Variants in PPP2R2B observed in about 807,000 individuals in gnomAD.
PPP2R2B encodes protein phosphatase 2 regulatory subunit Bbeta.
In PPP2R2B, 5 loss-of-function variants were observed where a neutral mutation model predicts 46.0. The observed-to-expected ratio is 0.11, with a 90% CI of 0.06 to 0.23. The LOEUF (loss-of-function observed/expected upper bound fraction) is 0.23, where lower values mean the gene tolerates loss of function less well. PPP2R2B is among the 10% of genes least tolerant of loss of function. The probability of loss-of-function intolerance (pLI) is 1.00; values close to 1 mark genes in which losing one functional copy is unlikely to be tolerated. For missense variants in PPP2R2B, 367 were observed against 575.0 expected (o/e 0.64, Z 3.70); for synonymous variants, 215 against 206.7 (o/e 1.04, Z -0.34).
chr5:147,079,246 G>A (rs62377634), intron 2 of PPP2R2B, among the ~76,000 whole-genome samples: 6,742 of 151,058 alleles, frequency 0.045, 241 homozygotes, highest in East Asian at 0.16. Context: ...AATAAAATCA[G>A]TACATAGAAG....
chr5:146,843,187 C>CA (rs373988234), intron 2 of PPP2R2B, among the ~76,000 whole-genome samples: 1 of 152,092 alleles, frequency 6.6e-6, no homozygotes, highest in Admixed American at 6.5e-5. Context: ...AACTCTGCCT[C>CA]AAAAAAACTT....
At chr5:146,782,511 C>T (rs1295547754) in intron 2 of PPP2R2B, among the ~76,000 whole-genome samples, 1 of 152,014 alleles carries the variant, frequency 6.6e-6, no homozygotes, top group Admixed American at 6.6e-5. Flanking sequence ...TCACTTCAGC[C>T]TGAGTGATGA....
At chr5:146,842,914 C>A (rs986850343) in intron 2 of PPP2R2B, among the ~76,000 whole-genome samples, 1 of 152,160 alleles carries the variant, frequency 6.6e-6, no homozygotes, top group Non-Finnish European at 1.5e-5. Context: ...ATTGGCTGGG[C>A]GCGGTGGCTC....
chr5:146,629,058 G>A (rs1774247785), intron 7 of PPP2R2B, among the ~76,000 whole-genome samples: 1 of 151,940 alleles, frequency 6.6e-6, no homozygotes, highest in Non-Finnish European at 1.5e-5. Flanking sequence ...CATACCTTCT[G>A]CCCTAATTGA....
chr5:146,811,789 G>C (rs113062175), intron 2 of PPP2R2B, among the ~76,000 whole-genome samples: 1 of 145,544 alleles, frequency 6.9e-6, no homozygotes, highest in South Asian at 2.2e-4. Context: ...GGATGGTCTC[G>C]ATCTCCTGAC....
intron 2 of PPP2R2B, among the ~76,000 whole-genome samples, chr5:146,833,487 T>C (rs969309529): frequency 6.6e-6 from 1 of 152,196 alleles, no homozygotes; most frequent in African/African-American, 2.4e-5. Context: ...ATTTCAACAC[T>C]GGCAATGAAA....
intron 5 of PPP2R2B, among the ~76,000 whole-genome samples, chr5:146,681,082 C>A (rs1778138991): frequency 6.6e-6 from 1 of 152,130 alleles, no homozygotes; most frequent in African/African-American, 2.4e-5. Context: ...TCAGTCGAAG[C>A]CCGGCTTGCA....
At chr5:146,632,366 C>T (rs1326292142) in intron 7 of PPP2R2B, among the ~76,000 whole-genome samples, 3 of 152,172 alleles carry the variant, frequency 2.0e-5, no homozygotes, top group African/African-American at 7.2e-5. Context: ...GGGCTTCCAG[C>T]CTCCAGAACT....
Position 146,680,125 on chromosome 5 carries a change from G to C in PPP2R2B, c.447+11003C>G, listed in dbSNP as rs1423155982. ...GTTTATTGTGGCATTATTCACGATA[G>C]CAAAGACTTGGAACCAACCCAAATG... On this transcript the variant is annotated intron_variant, in intron 5 of 9. Coordinates refer to ENST00000394411, the MANE Select transcript of PPP2R2B (RefSeq NM_181675.4). Among the ~76,000 whole-genome samples, 5 of 151,286 alleles carry C rather than the reference G, an allele frequency of 3.3e-5. 1 individual carries two copies. Among genetic ancestry groups the C allele is most frequent in the African/African-American group, 9.7e-5 (4 of 41,054 alleles).
chr5:146,932,163 G>A (rs544185395), intron 1 of PPP2R2B, among the ~76,000 whole-genome samples: 1 of 152,104 alleles, frequency 6.6e-6, no homozygotes, highest in Non-Finnish European at 1.5e-5. Context: ...CCTTAAATTA[G>A]GTCAAAGTCA....
intron 1 of PPP2R2B, among the ~76,000 whole-genome samples, chr5:147,037,650 T>C (rs913150493): frequency 6.6e-6 from 1 of 152,088 alleles, no homozygotes; most frequent in African/African-American, 2.4e-5. Flanking sequence ...ATCTGTAGAA[T>C]GGCACAGAAT....
intron 2 of PPP2R2B, among the ~76,000 whole-genome samples, chr5:146,857,262 A>T (rs975720489): frequency 1.3e-5 from 2 of 152,228 alleles, no homozygotes; most frequent in African/African-American, 2.4e-5. Context: ...GTTCAGAAGT[A>T]TGAGGTTATA....
At chr5:146,742,081 C>T (rs571080703) in intron 2 of PPP2R2B, among the ~76,000 whole-genome samples, 1 of 152,036 alleles carries the variant, frequency 6.6e-6, no homozygotes, top group African/African-American at 2.4e-5. Flanking sequence ...CACGTTCTTA[C>T]AAAGGAAAAT....
intron 2 of PPP2R2B, among the ~76,000 whole-genome samples, chr5:146,717,549 G>A (rs1780563686): frequency 6.6e-6 from 1 of 152,180 alleles, no homozygotes; most frequent in South Asian, 2.1e-4. Flanking sequence ...AAACCATTAA[G>A]CACTGAAGAT....
At chr5:146,861,054 C>CTTT (rs1211197915) in intron 2 of PPP2R2B, among the ~76,000 whole-genome samples, 13 of 101,714 alleles carry the variant, frequency 1.3e-4, no homozygotes, top group Non-Finnish European at 1.7e-4. Context: ...TGAATTTTTT[C>CTTT]TTTTTTTTTT....
chr5:146,794,467 G>T (rs1756398220), intron 2 of PPP2R2B, among the ~76,000 whole-genome samples: 1 of 152,152 alleles, frequency 6.6e-6, no homozygotes, highest in Admixed American at 6.5e-5. Context: ...TTTAACTTAT[G>T]CTAACAAGTG....
intron 2 of PPP2R2B, among the ~76,000 whole-genome samples, chr5:146,831,722 G>T (rs987554299): frequency 6.6e-6 from 1 of 151,928 alleles, no homozygotes; most frequent in Non-Finnish European, 1.5e-5. Context: ...CCTGGGAGGC[G>T]GAGGCTGCAG....
At chr5:146,644,426 G>C (rs1426399013) in intron 6 of PPP2R2B, among the ~76,000 whole-genome samples, 2 of 152,050 alleles carry the variant, frequency 1.3e-5, no homozygotes, top group African/African-American at 2.4e-5. Flanking sequence ...TTGGTAGTAA[G>C]ATTTTTGGTC....
At chr5:146,988,987 A>C (rs1274728941) in intron 1 of PPP2R2B, among the ~76,000 whole-genome samples, 1 of 152,018 alleles carries the variant, frequency 6.6e-6, no homozygotes, top group Non-Finnish European at 1.5e-5. Context: ...CACGTAAATA[A>C]ATTGGTAAAC....
Sources: gnomAD v4.1 joint callset for allele counts (sites outside exome capture counted in the v4.1 genomes callset) on GRCh38, gnomAD v4.1.1 for gene constraint, MANE v1.5 for transcripts, NCBI Gene and HGNC (gene_info 2026-07-23, HGNC 2026-07-21) for gene names.